Variants in PDIA5 observed in about 807,000 individuals in gnomAD.
PDIA5 encodes the protein protein disulfide-isomerase A5.
A neutral mutation model predicts 77.6 loss-of-function variants in PDIA5; 58 were observed. That is an observed-to-expected ratio of 0.75 (90% confidence interval 0.61 to 0.93). The LOEUF (loss-of-function observed/expected upper bound fraction) is 0.93, where lower values mean the gene tolerates loss of function less well. Ranked by LOEUF, PDIA5 falls within the 40% of genes least tolerant of loss-of-function variation. The pLI is 0.00. For missense variants in PDIA5, 630 were observed against 647.7 expected (o/e 0.97, Z 0.30); for synonymous variants, 250 against 252.1 (o/e 0.99, Z 0.08).
intron 1 of PDIA5, among the ~76,000 whole-genome samples, chr3:123,073,632 G>C (rs1933781898): frequency 6.6e-6 from 1 of 152,214 alleles, no homozygotes; most frequent in African/African-American, 2.4e-5. Context: ...CACTCATGGA[G>C]TGTGGGGTTA....
At chr3:123,068,923 A>G (rs1933656048) in intron 1 of PDIA5, among the ~76,000 whole-genome samples, 1 of 152,164 alleles carries the variant, frequency 6.6e-6, no homozygotes, top group Admixed American at 6.5e-5. Flanking sequence ...CTGAGGTGGT[A>G]GGGTTGAACA....
chr3:123,079,239 G>C (rs1176278111), intron 1 of PDIA5, among the ~76,000 whole-genome samples: 3 of 130,378 alleles, frequency 2.3e-5, no homozygotes, highest in African/African-American at 5.9e-5. Context: ...GGAGTGCAAT[G>C]GTGCGATCTC....
chr3:123,118,580 C>T (rs1479601344), intron 8 of PDIA5, among the ~76,000 whole-genome samples: 7 of 152,186 alleles, frequency 4.6e-5, no homozygotes, highest in Admixed American at 6.5e-5. Flanking sequence ...CCCCATCCCA[C>T]GCTGCCACAG....
At chr3:123,110,121 G>T (rs923347872) in intron 6 of PDIA5, among the ~76,000 whole-genome samples, 4 of 152,176 alleles carry the variant, frequency 2.6e-5, no homozygotes, top group Admixed American at 2.6e-4. Flanking sequence ...TGATAGAGTT[G>T]CTTTTTCCCA....
chr3:123,137,037 G>C (rs1368140297), intron 11 of PDIA5, among the ~76,000 whole-genome samples: 5 of 152,106 alleles, frequency 3.3e-5, no homozygotes, highest in Non-Finnish European at 5.9e-5. Flanking sequence ...TATATAATTG[G>C]GAAAATGTGT....
chr3:123,110,983 C>T lies in PDIA5; in HGVS notation c.520C>T (p.Leu174=). The change falls in exon 7 of 17, where the codon CTG becomes TTG. Residue 174 remains leucine (L), a synonymous_variant. Transcript: ENST00000316218. ...CCTGAAGAAGGAAGAGAAGCCGCTC[C>T]TGATCATGTTTTATGCCCCCTGTGA... ...RLLKKEEKPL[L]IMFYAPWCSM... 6.2e-7 allele frequency: 1 copy of T among 1,613,754 alleles called. No individual in the cohort carries two copies. Among genetic ancestry groups the T allele is most frequent in the Middle Eastern group, 1.7e-4 (1 of 6,058 alleles).
At chr3:123,088,238 C>T (rs1392839856) in intron 1 of PDIA5, among the ~76,000 whole-genome samples, 2 of 152,172 alleles carry the variant, frequency 1.3e-5, no homozygotes, top group Non-Finnish European at 2.9e-5. Context: ...CTTATTCACA[C>T]TTTTAATAAA....
chr3:123,162,016 T>C lies in PDIA5; in HGVS notation c.*56T>C. On this transcript the variant is annotated 3_prime_UTR_variant, in exon 17 of 17. Transcript: ENST00000316218. ...ACTGTGAATGATACCTGTTTTGTTG[T>C]TTCTGAATTTCCACATGTTCTGAAG... The C allele has an allele frequency of 9.7e-7, 1 of 1,032,616 alleles. No individual in the cohort carries two copies. 64.0% of individuals were successfully genotyped at this position (1,032,616 alleles called of 1,614,324 possible). A position where few individuals can be genotyped will look rare whatever the true frequency, so the allele number is the denominator to read the frequency against.
intron 2 of PDIA5, among the ~76,000 whole-genome samples, chr3:123,089,598 C>T (rs865864483): frequency 1.3e-5 from 2 of 152,242 alleles, no homozygotes; most frequent in South Asian, 2.1e-4. Context: ...ATCACAGTGG[C>T]GGACACTGGG....
chr3:123,075,981 G>A (rs1933847436), intron 1 of PDIA5, among the ~76,000 whole-genome samples: 1 of 152,210 alleles, frequency 6.6e-6, no homozygotes, highest in Non-Finnish European at 1.5e-5. Flanking sequence ...TCTGCTTGGT[G>A]TCACTTGGCC....
At chr3:123,101,382 CA>C (rs1934588756) in intron 3 of PDIA5, among the ~76,000 whole-genome samples, 1 of 152,200 alleles carries the variant, frequency 6.6e-6, no homozygotes, top group African/African-American at 2.4e-5. Context: ...ATTGTTCTAA[CA>C]GGCAGGGCAC....
In PDIA5 at chr3:123,154,970, G is replaced by C. The variant is rs781777730; in HGVS notation, c.1274-1G>C. The C allele has an allele frequency of 3.9e-5, 62 of 1,604,078 alleles. No homozygotes were observed. The South Asian group carries it at 6.7e-4, about 17-fold the overall frequency. On this transcript the variant is annotated splice_acceptor_variant, in intron 14 of 16. Coordinates refer to ENST00000316218, the MANE Select transcript of PDIA5 (RefSeq NM_006810.4). LOFTEE classifies it high-confidence loss of function. ...GTGTGCTCTCTTCCCCTCTCACACA[G>C]GGTGCCCACACTGTAAGAAGGTCAT... is the stretch of plus-strand genomic sequence containing the variant.
At chr3:123,074,715 C>T (rs1277262086) in intron 1 of PDIA5, among the ~76,000 whole-genome samples, 1 of 152,128 alleles carries the variant, frequency 6.6e-6, no homozygotes, top group Non-Finnish European at 1.5e-5. Context: ...TTGTTATCTA[C>T]ATTCATAAAT....
chr3:123,079,432 G>C (rs539177031), intron 1 of PDIA5, among the ~76,000 whole-genome samples: 1 of 151,846 alleles, frequency 6.6e-6, no homozygotes, highest in Non-Finnish European at 1.5e-5. Flanking sequence ...CGCCCACCTC[G>C]GCCTCCCAAA....
chr3:123,103,505 G>A (rs532557565), intron 5 of PDIA5, among the ~76,000 whole-genome samples: 36 of 152,208 alleles, frequency 2.4e-4, no homozygotes, highest in Middle Eastern at 6.8e-3. Context: ...TTTCCCACAC[G>A]GGGTTGGACC....
intron 8 of PDIA5, among the ~76,000 whole-genome samples, chr3:123,120,105 C>G (rs1178026975): frequency 6.6e-6 from 1 of 152,244 alleles, no homozygotes. Context: ...CTGTCTCCAT[C>G]TGCCTCTTCC....
At chr3:123,105,054 C>T (rs1934693484) in intron 5 of PDIA5, among the ~76,000 whole-genome samples, 1 of 152,204 alleles carries the variant, frequency 6.6e-6, no homozygotes, top group Non-Finnish European at 1.5e-5. Flanking sequence ...TTTCCATCCA[C>T]TGCTATCTTT....
At chr3:123,100,993 C>T (rs1455561996) in intron 3 of PDIA5, among the ~76,000 whole-genome samples, 1 of 152,134 alleles carries the variant, frequency 6.6e-6, no homozygotes, top group Non-Finnish European at 1.5e-5. Context: ...GCCGAGATGC[C>T]CTTACTGAGT....
intron 11 of PDIA5, among the ~76,000 whole-genome samples, chr3:123,142,918 C>T (rs1935675506): frequency 2.0e-5 from 3 of 152,202 alleles, no homozygotes; most frequent in Non-Finnish European, 4.4e-5. Flanking sequence ...TCATCTGCCA[C>T]CTCCAGGAGG....
Sources: gnomAD v4.1 joint callset for allele counts (sites outside exome capture counted in the v4.1 genomes callset) on GRCh38, gnomAD v4.1.1 for gene constraint, MANE v1.5 for transcripts, NCBI Gene and HGNC (gene_info 2026-07-23, HGNC 2026-07-21) for gene names.